RTN3: variants seen among roughly 807,000 people sequenced by gnomAD.
RTN3 encodes the protein reticulon 3, also known as reticulon-3.
RTN3 carries 49 observed loss-of-function variants against 77.8 expected under a neutral mutation model. That is an observed-to-expected ratio of 0.63 (90% CI 0.50 to 0.80). The LOEUF is 0.80. Ranked by LOEUF, RTN3 falls within the 30% of genes least tolerant of loss-of-function variation. The pLI, the probability that RTN3 is intolerant of heterozygous loss-of-function variation, is 0.00. For synonymous variants in RTN3, 464 were observed against 446.9 expected, an observed-to-expected ratio of 1.04 and a Z score of -0.48; for missense variants, 1,236 against 1,211.9, an observed-to-expected ratio of 1.02 and a Z score of -0.29.
chr11:63,699,175 C>T (rs955066796), intron 1 of RTN3, among the ~76,000 whole-genome samples: 4 of 152,084 alleles, frequency 2.6e-5, no homozygotes, highest in East Asian at 1.9e-4. Flanking sequence ...GTAGCATGCA[C>T]CTGTAATCCC....
At chr11:63,697,682 G>C (rs979406607) in intron 1 of RTN3, among the ~76,000 whole-genome samples, 1 of 151,738 alleles carries the variant, frequency 6.6e-6, no homozygotes, top group Admixed American at 6.6e-5. Context: ...CACTATGTTG[G>C]CCAGGCTGTT....
chr11:63,687,295 G>T (rs745379681), intron 1 of RTN3, among the ~76,000 whole-genome samples: 1 of 152,108 alleles, frequency 6.6e-6, no homozygotes, highest in South Asian at 2.1e-4. Context: ...TGGGATAATA[G>T]TATCTATCTT....
chr11:63,733,945 GACACACATATATATATACACACAC>G (rs2012886255), intron 3 of RTN3, among the ~76,000 whole-genome samples: 2 of 151,690 alleles, frequency 1.3e-5, no homozygotes, highest in African/African-American at 4.8e-5. Flanking sequence ...TATACACACA[GACACACATATATATATACACACAC>G]ACATTCAGTG....
At chr11:63,724,286 C>T (rs1251186520) in intron 3 of RTN3, among the ~76,000 whole-genome samples, 1 of 145,396 alleles carries the variant, frequency 6.9e-6, no homozygotes, top group Non-Finnish European at 1.5e-5. Flanking sequence ...GGGTTCACGC[C>T]ATTCTCCTGC....
chr11:63,712,046 T>C (rs2011173140), intron 2 of RTN3, among the ~76,000 whole-genome samples: 1 of 152,242 alleles, frequency 6.6e-6, no homozygotes, highest in Admixed American at 6.5e-5. Flanking sequence ...ATTCTTAGGA[T>C]GCCATAGGCA....
At chr11:63,726,451 G>A (rs1170161227) in intron 3 of RTN3, among the ~76,000 whole-genome samples, 4 of 152,220 alleles carry the variant, frequency 2.6e-5, no homozygotes, top group African/African-American at 9.6e-5. Context: ...TTGGAAGGGA[G>A]AGATCCAGAG....
chr11:63,709,615 G>T (rs1247092104), intron 2 of RTN3, among the ~76,000 whole-genome samples: 1 of 149,564 alleles, frequency 6.7e-6, no homozygotes, highest in Non-Finnish European at 1.5e-5. Flanking sequence ...ATTTTTCTTT[G>T]TACAAAAGAG....
intron 1 of RTN3, 113 bp from the exon 2 acceptor site, chr11:63,704,738 G>A: frequency 1.3e-6 from 1 of 752,194 alleles, no homozygotes. Context: ...TTTCCTCCTT[G>A]TTAAACCCAA....
chr11:63,753,054 A>C lies in RTN3; in HGVS notation c.2878-15A>C. The C allele has an allele frequency of 6.2e-7, 1 of 1,613,086 alleles. No individual in the cohort carries two copies. Among genetic ancestry groups the C allele is most frequent in the South Asian group, 1.1e-5 (1 of 90,934 alleles). ...TACGGTTATTCCTGCTTAACTTTTGATATGGCCTTCACAGCTGGCTGTCTT... is the reference window on the plus strand; with the variant it reads ...TACGGTTATTCCTGCTTAACTTTTGCTATGGCCTTCACAGCTGGCTGTCTT... On this transcript the variant is annotated splice_polypyrimidine_tract_variant and intron_variant, in intron 5 of 8. Transcript: ENST00000377819.
intron 2 of RTN3, among the ~76,000 whole-genome samples, chr11:63,707,738 G>A (rs994475701): frequency 7.2e-5 from 11 of 152,158 alleles, no homozygotes; most frequent in African/African-American, 2.4e-4. Flanking sequence ...GGAGGCTGAG[G>A]CAGGAGAATC....
intron 3 of RTN3, among the ~76,000 whole-genome samples, chr11:63,732,077 A>G (rs1157390453): frequency 6.6e-6 from 1 of 152,192 alleles, no homozygotes; most frequent in Admixed American, 6.5e-5. Flanking sequence ...AAAAAAAAAG[A>G]GCTGAAATCA....
chr11:63,747,288 G>T (rs547082896), intron 3 of RTN3, among the ~76,000 whole-genome samples: 68 of 152,282 alleles, frequency 4.5e-4, no homozygotes, highest in African/African-American at 1.6e-3. Flanking sequence ...GTTCCTTGTA[G>T]TTATATGAAT....
chr11:63,725,994 CAA>C (rs1342559549), intron 3 of RTN3, among the ~76,000 whole-genome samples: 1 of 152,040 alleles, frequency 6.6e-6, no homozygotes, highest in Non-Finnish European at 1.5e-5. Context: ...ACAAGGAATA[CAA>C]AATAATTCCT....
rs1476448666 is a variant in RTN3 at position 63,720,014 on chromosome 11, A to G, written c.1512A>G (p.Val504=). The G allele has an allele frequency of 6.2e-7, 1 of 1,614,098 alleles. No individual in the cohort carries two copies. The highest frequency in any genetic ancestry group is 8.5e-7 in the Non-Finnish European group (1 of 1,180,032). The change falls in exon 3 of 9, where the codon GTA becomes GTG. Residue 504 remains valine, a synonymous_variant. Coordinates refer to ENST00000377819, the MANE Select transcript of RTN3 (RefSeq NM_001265589.2). ...ADSSGESDDT[V]IEDITADTSF... ...GTTCTGGTGAGTCTGATGACACAGT[A>G]ATAGAGGACATCACAGCAGATACAT...
At position 63,720,511 on chromosome 11, in the gene RTN3, A is replaced by G; in HGVS notation, c.2009A>G (p.Glu670Gly). 1 of 1,614,052 alleles carries G rather than the reference A, an allele frequency of 6.2e-7. No homozygotes were observed. The highest frequency in any genetic ancestry group is 1.1e-5 in the South Asian group (1 of 91,044). ...AGAGATAAAGGAATAGTAGATAGTG[A>G]AAGAAATGCTTTTAAAGCAATATCA... Reference protein sequence around the residue: ...ETRDKGIVDSERNAFKAISEK... With the variant: ...ETRDKGIVDSGRNAFKAISEK... The change falls in exon 3 of 9, where the codon GAA becomes GGA. Residue 670 changes from glutamate (E) to glycine (G), a missense_variant. Glu to Gly is a moderately conservative substitution (Grantham distance 98). Coordinates refer to ENST00000377819, the MANE Select transcript of RTN3 (RefSeq NM_001265589.2).
intron 3 of RTN3, among the ~76,000 whole-genome samples, chr11:63,726,185 G>A (rs562213395): frequency 7.2e-5 from 11 of 152,166 alleles, no homozygotes; most frequent in Admixed American, 2.0e-4. Context: ...CATATAACTG[G>A]ACAAAATTTT....
At chr11:63,744,646 A>G (rs1022087529) in intron 3 of RTN3, among the ~76,000 whole-genome samples, 2 of 152,220 alleles carry the variant, frequency 1.3e-5, no homozygotes, top group Admixed American at 6.5e-5. Flanking sequence ...CATTTAGTAC[A>G]TAACTGTACT....
chr11:63,719,526 T>C lies in RTN3; in HGVS notation c.1024T>C (p.Trp342Arg), dbSNP rs1185553551. ...TAACTTTACTAACGAAATACTGACT[T>C]GGGATCTGGTTCCCCAAGTGAAACA... Reference protein sequence around the residue: ...MHNFTNEILTWDLVPQVKQQT... With the variant: ...MHNFTNEILTRDLVPQVKQQT... Residue 342 changes from tryptophan (W) to arginine (R), a missense_variant, in exon 3 of 9, where the codon TGG becomes CGG. Coordinates refer to ENST00000377819, the MANE Select transcript of RTN3 (RefSeq NM_001265589.2). 6.2e-7 allele frequency: 1 copy of C among 1,614,090 alleles called. No homozygotes were observed. Among genetic ancestry groups the C allele is most frequent in the Non-Finnish European group, 8.5e-7 (1 of 1,180,050 alleles).
At chr11:63,684,108 C>A (rs185853463) in intron 1 of RTN3, among the ~76,000 whole-genome samples, 2 of 144,622 alleles carry the variant, frequency 1.4e-5, no homozygotes, top group Non-Finnish European at 3.0e-5. Context: ...TGTGCCACCA[C>A]GCGTGGTTAA....
Sources: gnomAD v4.1 joint callset for allele counts (sites outside exome capture counted in the v4.1 genomes callset) on GRCh38, gnomAD v4.1.1 for gene constraint, MANE v1.5 for transcripts, NCBI Gene and HGNC (gene_info 2026-07-23, HGNC 2026-07-21) for gene names.